Variants in DPY30 observed in about 807,000 individuals in gnomAD.
DPY30 encodes the protein protein dpy-30 homolog.
DPY30 carries 6 observed loss-of-function variants against 16.2 expected under a neutral mutation model. That is an observed-to-expected ratio of 0.37 (90% CI 0.20 to 0.73). DPY30 has a LOEUF of 0.73. Ranked by LOEUF, DPY30 falls within the 30% of genes least tolerant of loss-of-function variation. DPY30 has a pLI of 0.51. For missense variants in DPY30, 73 were observed against 113.1 expected (o/e 0.65, Z 1.61); for synonymous variants, 39 against 38.8 (o/e 1.00, Z -0.02).
intron 3 of DPY30, among the ~76,000 whole-genome samples, chr2:32,036,282 A>T (rs1675734929): frequency 6.6e-6 from 1 of 151,864 alleles, no homozygotes; most frequent in Non-Finnish European, 1.5e-5. Flanking sequence ...ATGGCAAAGT[A>T]TTTTTTTTAA....
chr2:32,028,914 G>A (rs1377801269), intron 4 of DPY30, among the ~76,000 whole-genome samples: 1 of 151,798 alleles, frequency 6.6e-6, no homozygotes, highest in East Asian at 1.9e-4. Context: ...CAGTGAGCCA[G>A]GGTTGCACCA....
downstream of DPY30, chr2:32,023,634 A>G: frequency 1.1e-6 from 1 of 925,108 alleles, no homozygotes; most frequent in South Asian, 1.4e-5. Context: ...CCCCTTTGCA[A>G]TGCTTTTATT....
chr2:32,018,159 G>C (rs1675098906), intron 5 of DPY30, among the ~76,000 whole-genome samples: 1 of 152,062 alleles, frequency 6.6e-6, no homozygotes, highest in Non-Finnish European at 1.5e-5. Context: ...AAATTAGGTT[G>C]AATGTTTTAG....
intron 3 of DPY30, among the ~76,000 whole-genome samples, chr2:32,034,060 C>T (rs1675647175): frequency 6.6e-6 from 1 of 152,140 alleles, no homozygotes. Context: ...AAGACCAAAA[C>T]AACTAAAATT....
intron 3 of DPY30, among the ~76,000 whole-genome samples, chr2:32,038,816 T>C (rs1399373037): frequency 6.6e-6 from 1 of 151,656 alleles, no homozygotes; most frequent in Non-Finnish European, 1.5e-5. Flanking sequence ...CCCGGCTAAT[T>C]TTTGTATTTT....
At chr2:32,030,944 G>A (rs183153414) in intron 3 of DPY30, among the ~76,000 whole-genome samples, 10 of 151,886 alleles carry the variant, frequency 6.6e-5, no homozygotes, top group South Asian at 2.1e-4. Context: ...TCCCCATTCC[G>A]GCAGGTAACA....
intron 4 of DPY30, among the ~76,000 whole-genome samples, chr2:32,026,291 T>A (rs1190456352): frequency 2.0e-5 from 3 of 152,042 alleles, no homozygotes; most frequent in Admixed American, 6.6e-5. Context: ...ACGCCTGTAG[T>A]CCCACCTACT....
At chr2:32,023,158 G>C (rs1675221775), downstream of DPY30, among the ~76,000 whole-genome samples, 1 of 151,506 alleles carries the variant, frequency 6.6e-6, no homozygotes, top group Admixed American at 6.6e-5. Context: ...AATGTGTCTA[G>C]ACATCAACAA....
chr2:32,025,472 A>G (rs1420026329), intron 4 of DPY30, among the ~76,000 whole-genome samples: 1 of 151,762 alleles, frequency 6.6e-6, no homozygotes, highest in East Asian at 1.9e-4. Flanking sequence ...CAAAAAAAAA[A>G]TTGTATTTGA....
At chr2:32,017,021 T>C (rs1675078999) in intron 5 of DPY30, among the ~76,000 whole-genome samples, 1 of 152,000 alleles carries the variant, frequency 6.6e-6, no homozygotes, top group African/African-American at 2.4e-5. Flanking sequence ...TAGCTGGGAT[T>C]ACAGGTGTCG....
chr2:32,017,892 A>G (rs1572986900), intron 5 of DPY30, among the ~76,000 whole-genome samples: 1 of 152,334 alleles, frequency 6.6e-6, no homozygotes, highest in East Asian at 1.9e-4. Flanking sequence ...GGGATCTTTC[A>G]GAGGTAATTC....
At chr2:32,022,541 A>G (rs1048626915), downstream of DPY30, among the ~76,000 whole-genome samples, 17 of 151,106 alleles carry the variant, frequency 1.1e-4, no homozygotes, top group African/African-American at 3.9e-4. Flanking sequence ...TCTTTTTGAG[A>G]CAGTCTCACT....
At chr2:32,031,728 ACT>A (rs1675550239) in intron 3 of DPY30, among the ~76,000 whole-genome samples, 1 of 152,022 alleles carries the variant, frequency 6.6e-6, no homozygotes. Flanking sequence ...CCCTGTCTCT[ACT>A]AAAAATACAA....
downstream of DPY30, among the ~76,000 whole-genome samples, chr2:32,019,846 A>ATATATATATAC (rs996286418): frequency 7.0e-6 from 1 of 143,656 alleles, no homozygotes; most frequent in Non-Finnish European, 1.5e-5. Flanking sequence ...ATATATATAT[A>ATATATATATAC]TATATATATA....
chr2:32,015,198 C>T (rs1675041610), intron 5 of DPY30, among the ~76,000 whole-genome samples: 1 of 152,070 alleles, frequency 6.6e-6, no homozygotes, highest in South Asian at 2.1e-4. Flanking sequence ...TTTAGAAGCA[C>T]CCTAACACTG....
At chr2:32,019,833 A>T (rs1413161823), downstream of DPY30, among the ~76,000 whole-genome samples, 544 of 136,616 alleles carry the variant, frequency 4.0e-3, 4 homozygotes, top group East Asian at 6.6e-3. Context: ...AAAAAAAAAA[A>T]AAATATATAT....
intron 1 of DPY30, 65 bp from the exon 2 acceptor site, chr2:32,039,557 T>A: frequency 6.5e-7 from 1 of 1,540,526 alleles, no homozygotes; most frequent in Non-Finnish European, 8.9e-7. Context: ...CAGGATGGAG[T>A]GCAGCCCAGC....
chr2:32,030,482 T>C (rs1012458221), intron 3 of DPY30, among the ~76,000 whole-genome samples: 3 of 151,442 alleles, frequency 2.0e-5, no homozygotes, highest in African/African-American at 7.3e-5. Context: ...TACAAACAAT[T>C]CCCCGGGCGT....
chr2:32,026,641 A>G (rs1321337201), intron 4 of DPY30, among the ~76,000 whole-genome samples: 3 of 152,116 alleles, frequency 2.0e-5, no homozygotes, highest in South Asian at 4.1e-4. Context: ...AAATACAAAA[A>G]TTAGCCAGGC....
Sources: gnomAD v4.1 joint callset for allele counts (sites outside exome capture counted in the v4.1 genomes callset) on GRCh38, gnomAD v4.1.1 for gene constraint, MANE v1.5 for transcripts, NCBI Gene and HGNC (gene_info 2026-07-23, HGNC 2026-07-21) for gene names.